Variants in FMN2 observed in about 807,000 individuals in gnomAD.
FMN2 encodes the protein formin-2.
Under a neutral mutation model 142.3 loss-of-function variants are expected in FMN2, and 51 were observed. The observed-to-expected ratio is 0.36, with a 90% CI of 0.29 to 0.45. The LOEUF (loss-of-function observed/expected upper bound fraction) is 0.45, where lower values mean the gene tolerates loss of function less well. FMN2 is among the 20% of genes least tolerant of loss of function. FMN2 has a pLI of 1.00. For missense variants in FMN2, 1,936 were observed against 2,122.8 expected, an observed-to-expected ratio of 0.91 and a Z score of 1.73; for synonymous variants, 882 against 869.8, an observed-to-expected ratio of 1.01 and a Z score of -0.25.
rs752798515 is a variant in FMN2, at chr1:240,207,619, C to A, written c.2807C>A (p.Pro936His). The change falls in exon 5 of 18, where the codon CCT becomes CAT. Residue 936 changes from proline to histidine, a missense_variant. Transcript: ENST00000319653. ...GGAGCAGGCATACTCCCTCTGCCCC[C>A]TCTACCCGGAGCGGGAATACCTCCT... Reference protein sequence around the residue: ...LPGAGILPLPPLPGAGIPPPP... With the variant: ...LPGAGILPLPHLPGAGIPPPP... The A allele has an allele frequency of 1.3e-5, 15 of 1,176,206 alleles. 1 individual carries two copies. The highest frequency in any genetic ancestry group is 1.7e-5 in the Non-Finnish European group (15 of 899,552). The allele number at this position is 1,176,206 out of a possible 1,614,324, so 72.9% of individuals were successfully genotyped here.
chr1:240,472,258 A>G (rs1676837009), intron 16 of FMN2, 114 bp from the exon 17 acceptor site: 3 of 742,614 alleles, frequency 4.0e-6, no homozygotes, highest in Admixed American at 5.3e-5. Context: ...GTATTGTATT[A>G]TTTTCTGCAG....
chr1:240,434,907 G>C (rs1376786044), intron 15 of FMN2, among the ~76,000 whole-genome samples: 2 of 151,518 alleles, frequency 1.3e-5, no homozygotes, highest in Non-Finnish European at 2.9e-5. Context: ...CTAGTGTACA[G>C]CTGAGACAGC....
chr1:240,410,255 A>C (rs891031083), intron 15 of FMN2, among the ~76,000 whole-genome samples: 2 of 152,164 alleles, frequency 1.3e-5, no homozygotes, highest in African/African-American at 4.8e-5. Flanking sequence ...TGTAATTTTT[A>C]ATTCCATCCA....
At chr1:240,203,958 G>A (rs1666227926) in intron 4 of FMN2, among the ~76,000 whole-genome samples, 1 of 152,044 alleles carries the variant, frequency 6.6e-6, no homozygotes, top group Non-Finnish European at 1.5e-5. Context: ...TTAGTCTTTT[G>A]TGTAGATGTT....
At chr1:240,181,178 T>C (rs1165145821) in intron 3 of FMN2, among the ~76,000 whole-genome samples, 6 of 151,940 alleles carry the variant, frequency 3.9e-5, no homozygotes, top group Non-Finnish European at 8.8e-5. Flanking sequence ...CTAATTTTTG[T>C]ATTTTTGTAG....
At chr1:240,380,042 C>T (rs988454581) in intron 14 of FMN2, among the ~76,000 whole-genome samples, 2 of 152,002 alleles carry the variant, frequency 1.3e-5, no homozygotes, top group Admixed American at 6.6e-5. Context: ...AATTTGGGGA[C>T]ACTTCAATAC....
At chr1:240,330,241 T>C (rs541900652) in intron 10 of FMN2, among the ~76,000 whole-genome samples, 43 of 152,326 alleles carry the variant, frequency 2.8e-4, no homozygotes, top group Non-Finnish European at 5.1e-4. Flanking sequence ...GGCAGTGATA[T>C]TAGTGATGTT....
In FMN2 at chr1:240,233,951, T is replaced by A. The variant is rs1667613774; in HGVS notation, c.4065+22716T>A. On this transcript the variant is annotated intron_variant, in intron 6 of 17. Transcript: ENST00000319653. ...GGCAATGATGGTCTATATTTCATAG[T>A]TACTTTAAAGTCCCAGGCAGATGTG... 2.0e-5 allele frequency among the ~76,000 whole-genome samples: 3 copies of A among 152,186 alleles called. No individual in the cohort carries two copies. The South Asian group carries it at 6.2e-4, about 32-fold the overall frequency.
chr1:240,454,699 G>A (rs748223153), intron 16 of FMN2, among the ~76,000 whole-genome samples: 4 of 152,146 alleles, frequency 2.6e-5, no homozygotes, highest in Non-Finnish European at 5.9e-5. Flanking sequence ...AAGCAAAGCT[G>A]TCAACATAGC....
intron 4 of FMN2, among the ~76,000 whole-genome samples, chr1:240,200,370 T>G (rs1666079689): frequency 6.6e-6 from 1 of 152,194 alleles, no homozygotes; most frequent in Admixed American, 6.5e-5. Context: ...AGCTCTTACT[T>G]CTGACAAGCA....
At chr1:240,261,222 T>C (rs1467242118) in intron 7 of FMN2, among the ~76,000 whole-genome samples, 1 of 152,178 alleles carries the variant, frequency 6.6e-6, no homozygotes, top group Admixed American at 6.5e-5. Context: ...TTAGTCTTTC[T>C]TTGGCTATGT....
At chr1:240,143,634 T>G (rs878872976) in intron 2 of FMN2, 62 of 1,610,066 alleles carry the variant, frequency 3.9e-5, no homozygotes, top group Non-Finnish European at 5.0e-5. Flanking sequence ...ATGGCTCTGA[T>G]GCAACCTCCA....
At chr1:240,419,073 A>G (rs182533350) in intron 15 of FMN2, among the ~76,000 whole-genome samples, 233 of 152,346 alleles carry the variant, frequency 1.5e-3, no homozygotes, top group South Asian at 2.5e-3. Flanking sequence ...GTGCCACTGC[A>G]CTCCAGCCTG....
rs553593910 is a variant in FMN2 at position 240,181,097 on chromosome 1, C to T, written c.1930+3029C>T. Among the ~76,000 whole-genome samples the T allele has an allele frequency of 5.3e-5, 8 of 151,976 alleles. No homozygotes were observed. The East Asian group carries it at 7.8e-4, about 15-fold the overall frequency. On this transcript the variant is annotated intron_variant, in intron 3 of 17. Transcript: ENST00000319653. ...TCTGCTCACTGCAACCACCGTCTCC[C>T]GGGTTCAAGTGATTTTCCCTCCTCA...
chr1:240,197,580 G>A (rs1169611738), intron 4 of FMN2, among the ~76,000 whole-genome samples: 1 of 152,116 alleles, frequency 6.6e-6, no homozygotes, highest in Non-Finnish European at 1.5e-5. Flanking sequence ...TGAATTAGAG[G>A]ACACTCATCT....
chr1:240,158,559 T>C (rs1664130594), intron 2 of FMN2, among the ~76,000 whole-genome samples: 1 of 152,078 alleles, frequency 6.6e-6, no homozygotes, highest in South Asian at 2.1e-4. Context: ...CTTCTAAATA[T>C]AGGTCAAATA....
intron 6 of FMN2, among the ~76,000 whole-genome samples, chr1:240,235,438 G>A (rs981575573): frequency 4.0e-5 from 6 of 151,134 alleles, no homozygotes; most frequent in African/African-American, 1.5e-4. Flanking sequence ...AGAGATGAGG[G>A]TCTCTCTCTG....
chr1:240,428,647 C>T (rs1675039086), intron 15 of FMN2, among the ~76,000 whole-genome samples: 2 of 152,150 alleles, frequency 1.3e-5, no homozygotes, highest in African/African-American at 4.8e-5. Flanking sequence ...CTGGATTGAG[C>T]CATTTCTCCA....
chr1:240,211,242 A>AT lies in FMN2; in HGVS notation c.4065+12dup. The AT allele has an allele frequency of 6.2e-7, 1 of 1,608,824 alleles. No individual in the cohort carries two copies. Among genetic ancestry groups the AT allele is most frequent in the African/African-American group, 1.3e-5 (1 of 74,730 alleles). On this transcript the variant is annotated splice_region_variant and intron_variant, in intron 6 of 17. Coordinates refer to ENST00000319653, the MANE Select transcript of FMN2 (RefSeq NM_020066.5). ...AAAGACGAAGGCTAAACAAGTGAGTATTTTTGTGCTTTATGAAATTGGACA... is the reference window on the plus strand; with the variant it reads ...AAAGACGAAGGCTAAACAAGTGAGTATTTTTTGTGCTTTATGAAATTGGACA...
Sources: gnomAD v4.1 joint callset for allele counts (sites outside exome capture counted in the v4.1 genomes callset) on GRCh38, gnomAD v4.1.1 for gene constraint, MANE v1.5 for transcripts, NCBI Gene and HGNC (gene_info 2026-07-23, HGNC 2026-07-21) for gene names.